Variants in ZFHX3 observed in about 807,000 individuals in gnomAD.
The protein encoded by ZFHX3 is zinc finger homeobox protein 3.
A neutral mutation model predicts 279.1 loss-of-function variants in ZFHX3; 42 were observed. The observed-to-expected ratio is 0.15, with a 90% CI of 0.12 to 0.19. The LOEUF (loss-of-function observed/expected upper bound fraction) is 0.19, where lower values mean the gene tolerates loss of function less well. ZFHX3 is among the 10% of genes least tolerant of loss of function. The pLI, the probability that ZFHX3 is intolerant of heterozygous loss-of-function variation, is 1.00. For missense variants in ZFHX3, 4,981 were observed against 4,754.0 expected (o/e 1.05, Z -1.40); for synonymous variants, 2,293 against 1,957.8 (o/e 1.17, Z -4.52).
chr16:73,687,812 C>T (rs1273108805), intron 1 of ZFHX3, among the ~76,000 whole-genome samples: 5 of 52,214 alleles, frequency 9.6e-5, no homozygotes, highest in Non-Finnish European at 2.2e-4. Context: ...TGTGCCACTG[C>T]ACTCCAAACT....
intron 1 of ZFHX3, among the ~76,000 whole-genome samples, chr16:73,009,163 G>A (rs1963822206): frequency 6.6e-6 from 1 of 151,916 alleles, no homozygotes; most frequent in South Asian, 2.1e-4. Context: ...GTGCTTATAA[G>A]CATCATACCG....
chr16:73,612,833 G>T (rs2052260798), intron 2 of ZFHX3, among the ~76,000 whole-genome samples: 1 of 151,870 alleles, frequency 6.6e-6, no homozygotes, highest in African/African-American at 2.4e-5. Context: ...CTGTAAACGT[G>T]GCAAAATCAT....
chr16:73,063,715 G>C (rs1386519218), upstream of ZFHX3, among the ~76,000 whole-genome samples: 1 of 152,162 alleles, frequency 6.6e-6, no homozygotes, highest in Admixed American at 6.5e-5. Context: ...CAGTCGTGAG[G>C]GGATGTACAC....
intron 2 of ZFHX3, among the ~76,000 whole-genome samples, chr16:73,538,846 A>G (rs976297472): frequency 6.6e-6 from 1 of 152,212 alleles, no homozygotes; most frequent in Non-Finnish European, 1.5e-5. Flanking sequence ...TCTTTTCAAT[A>G]AACATGTCTT....
At chr16:73,177,975 C>T (rs890430305) in intron 5 of ZFHX3, among the ~76,000 whole-genome samples, 3 of 152,092 alleles carry the variant, frequency 2.0e-5, no homozygotes, top group Admixed American at 6.5e-5. Context: ...ACCCATCAGT[C>T]GGGGCGGGCT....
intron 1 of ZFHX3, among the ~76,000 whole-genome samples, chr16:73,014,787 C>G (rs1005416773): frequency 6.6e-6 from 1 of 152,020 alleles, no homozygotes; most frequent in Non-Finnish European, 1.5e-5. Flanking sequence ...GCTGGGATTA[C>G]AGGCATGAGC....
intron 5 of ZFHX3, among the ~76,000 whole-genome samples, chr16:73,174,409 C>A (rs1390685127): frequency 6.6e-6 from 1 of 152,130 alleles, no homozygotes; most frequent in East Asian, 2.0e-4. Context: ...ACCTGAAACT[C>A]TTCCAATTTC....
chr16:73,244,072 T>C lies in ZFHX3; in HGVS notation c.-1104+12975A>G, dbSNP rs566055228. Among the ~76,000 whole-genome samples the C allele has an allele frequency of 1.8e-4, 27 of 152,282 alleles. 1 individual carries two copies. Among genetic ancestry groups the C allele is most frequent in the Admixed American group, 1.1e-3 (17 of 15,286 alleles). On this transcript the variant is annotated intron_variant, in intron 5 of 17. Transcript: ENST00000641206. The stretch of plus-strand genomic sequence containing the variant: ...GGCAGCCCTCCTTTCAAAGAAAGGC[T>C]TGTGAAATCAGGACTTGGGATCTTA...
At position 73,461,096 on chromosome 16, in the gene ZFHX3, A is replaced by G. The variant is rs114340395; in HGVS notation, c.-1546-4838T>C. 5.1e-3 allele frequency among the ~76,000 whole-genome samples: 777 copies of G among 152,372 alleles called. 12 individuals carry two copies. The highest frequency in any genetic ancestry group is 0.018 in the African/African-American group (739 of 41,594). On this transcript the variant is annotated intron_variant, in intron 2 of 17. Coordinates refer to the ZFHX3 transcript ENST00000641206. ...TGTCACTGTTTTTAAATTATTTATT[A>G]TAATAGGTTTGTCATGATATCTCAT...
intron 3 of ZFHX3, among the ~76,000 whole-genome samples, chr16:73,341,368 A>G (rs1217201645): frequency 6.6e-6 from 1 of 152,162 alleles, no homozygotes; most frequent in Non-Finnish European, 1.5e-5. Flanking sequence ...AATAGAGAGG[A>G]AAAGGCCAAT....
intron 1 of ZFHX3, among the ~76,000 whole-genome samples, chr16:73,834,899 G>A (rs1189510358): frequency 7.6e-6 from 1 of 131,420 alleles, no homozygotes; most frequent in Non-Finnish European, 1.7e-5. Context: ...AAAAAAAAAA[G>A]AAGCGTCTCC....
At chr16:73,067,059 C>T (rs2144750750) in intron 8 of ZFHX3, among the ~76,000 whole-genome samples, 1 of 152,210 alleles carries the variant, frequency 6.6e-6, no homozygotes, top group East Asian at 1.9e-4. Context: ...GGGCCCTGCT[C>T]GCCTCCAAGG....
chr16:73,688,452 C>A (rs1436089680), intron 1 of ZFHX3, among the ~76,000 whole-genome samples: 1 of 151,882 alleles, frequency 6.6e-6, no homozygotes. Flanking sequence ...ATGAGGGACA[C>A]CCCCAGGAAT....
At chr16:73,448,554 A>G (rs1238380286) in intron 3 of ZFHX3, among the ~76,000 whole-genome samples, 1 of 152,168 alleles carries the variant, frequency 6.6e-6, no homozygotes, top group Non-Finnish European at 1.5e-5. Flanking sequence ...GAAAAGGAAA[A>G]GATAAAAAAT....
chr16:72,923,381 G>T (rs1959250823), intron 3 of ZFHX3, among the ~76,000 whole-genome samples: 1 of 151,290 alleles, frequency 6.6e-6, no homozygotes, highest in South Asian at 2.1e-4. Flanking sequence ...GGAGGCAGAG[G>T]CTGCAGTGAG....
Position 72,787,263 on chromosome 16 carries a change from C to T in ZFHX3, c.11013G>A (p.Lys3671=). Reference sequence around the variant, plus strand: ...CCACCGGGCTCGCCGGTCCGTCGGACTTTTGGCTGAGATCCGTGTCAGACT... The same window carrying T: ...CCACCGGGCTCGCCGGTCCGTCGGATTTTTGGCTGAGATCCGTGTCAGACT... ...SEESDTDLSQ[K]SDGPASPVEG... is the part of the protein sequence containing the mutation. Residue 3671 remains lysine, a synonymous_variant, in exon 10 of 10, where the codon AAG becomes AAA. Coordinates refer to ENST00000268489, the MANE Select transcript of ZFHX3 (RefSeq NM_006885.4). 1 of 1,614,088 alleles carries T rather than the reference C, an allele frequency of 6.2e-7. No homozygotes were observed. The highest frequency in any genetic ancestry group is 2.2e-5 in the East Asian group (1 of 44,860).
intron 2 of ZFHX3, among the ~76,000 whole-genome samples, chr16:73,597,060 T>C (rs758094538): frequency 6.6e-6 from 1 of 152,226 alleles, no homozygotes; most frequent in Non-Finnish European, 1.5e-5. Flanking sequence ...CCATATGTAC[T>C]GTTCTCCAGT....
intron 1 of ZFHX3, among the ~76,000 whole-genome samples, chr16:73,690,169 G>A (rs561624618): frequency 3.3e-5 from 5 of 152,072 alleles, no homozygotes; most frequent in Admixed American, 6.5e-5. Flanking sequence ...CTCCCACCTC[G>A]GCCTCCCAAA....
At chr16:73,671,424 T>G (rs1028890616) in intron 2 of ZFHX3, among the ~76,000 whole-genome samples, 1 of 152,154 alleles carries the variant, frequency 6.6e-6, no homozygotes, top group East Asian at 1.9e-4. Context: ...CAGATAAAGA[T>G]GAACCATCAC....
Sources: allele counts gnomAD v4.1 joint callset (sites outside exome capture counted in the v4.1 genomes callset), GRCh38; gene constraint gnomAD v4.1.1; transcripts MANE v1.5; gene names NCBI Gene and HGNC (gene_info 2026-07-23, HGNC 2026-07-21).